Variants in ATXN2 observed in about 807,000 individuals in gnomAD.
ATXN2 encodes ataxin-2.
Under a neutral mutation model 138.6 loss-of-function variants are expected in ATXN2, and 37 were observed. The observed-to-expected ratio is 0.27, with a 90% confidence interval of 0.21 to 0.35. The LOEUF is 0.35. Ranked by LOEUF, ATXN2 falls within the 10% of genes least tolerant of loss-of-function variation. The probability of loss-of-function intolerance (pLI) is 1.00; values close to 1 mark genes in which losing one functional copy is unlikely to be tolerated. For synonymous variants in ATXN2, 549 were observed against 543.7 expected (o/e 1.01, Z -0.13); for missense variants, 1,216 against 1,480.3 (o/e 0.82, Z 2.93).
rs774051723 is a variant in ATXN2 at position 111,510,414 on chromosome 12, G to A, written c.1727C>T (p.Ser576Leu). ...AASPTPASPA[S>L]NRAVTPSSEA... ...ACTAGAAGGGGTAACAGCTCTGTTCGATGCAGGACTAGCAGGCGTAGGAGA... is the reference window on the plus strand; with the variant it reads ...ACTAGAAGGGGTAACAGCTCTGTTCAATGCAGGACTAGCAGGCGTAGGAGA... The change falls in exon 12 of 25, where the codon TCG becomes TTG. Residue 576 changes from serine to leucine, a missense_variant. By Grantham distance (145) the Ser-to-Leu change is moderately radical. Around this residue, in one of 4 missense-constraint regions of ATXN2, gnomAD observed 215 missense variants for 210.0 expected, o/e 1.02. Coordinates refer to ENST00000673436, the MANE Select transcript of ATXN2 (RefSeq NM_001372574.1). The A allele has an allele frequency of 4.3e-6, 7 of 1,613,952 alleles. No homozygotes were observed. The highest frequency in any genetic ancestry group is 4.5e-5 in the East Asian group (2 of 44,890).
At chr12:111,566,902 T>C (rs1242978412) in intron 1 of ATXN2, among the ~76,000 whole-genome samples, 1 of 152,174 alleles carries the variant, frequency 6.6e-6, no homozygotes, top group African/African-American at 2.4e-5. Flanking sequence ...CCTCCCAAAG[T>C]ACTGGGATTA....
chr12:111,594,953 A>AT (rs1263001194), intron 1 of ATXN2, among the ~76,000 whole-genome samples: 7 of 152,208 alleles, frequency 4.6e-5, no homozygotes, highest in Middle Eastern at 3.2e-3. Flanking sequence ...CTTCACATAT[A>AT]TTACCTTATT....
chr12:111,503,570 T>G (rs1014272597), intron 14 of ATXN2, among the ~76,000 whole-genome samples: 1 of 152,074 alleles, frequency 6.6e-6, no homozygotes, highest in Non-Finnish European at 1.5e-5. Flanking sequence ...TAATTAAAAT[T>G]TAAGTTCTGG....
intron 14 of ATXN2, among the ~76,000 whole-genome samples, chr12:111,503,615 TC>T (rs1423631639): frequency 2.0e-5 from 3 of 152,114 alleles, no homozygotes; most frequent in African/African-American, 7.2e-5. Flanking sequence ...TCTTTTTTTT[TC>T]TTTGAGACAG....
chr12:111,465,270 G>A (rs1044392040), intron 20 of ATXN2, among the ~76,000 whole-genome samples: 4 of 151,206 alleles, frequency 2.6e-5, no homozygotes, highest in African/African-American at 9.8e-5. Context: ...GCAGTTGTCA[G>A]GTGGAGGGAT....
intron 18 of ATXN2, among the ~76,000 whole-genome samples, chr12:111,481,414 C>T (rs1877229062): frequency 6.6e-6 from 1 of 152,174 alleles, no homozygotes; most frequent in Admixed American, 6.5e-5. Flanking sequence ...CACTGTGCTC[C>T]AGCCTGGGCA....
At chr12:111,557,224 G>A (rs889197866) in intron 1 of ATXN2, among the ~76,000 whole-genome samples, 1 of 152,124 alleles carries the variant, frequency 6.6e-6, no homozygotes, top group Non-Finnish European at 1.5e-5. Context: ...AAACATTCAA[G>A]GAAAAGCACA....
At position 111,569,975 on chromosome 12, in the gene ATXN2, G is replaced by A. The variant is rs77506758; in HGVS notation, c.252-14056C>T. On this transcript the variant is annotated intron_variant, in intron 1 of 24. Transcript: ENST00000673436. ...TGCTGTCCAATATTGCAGCCATTAG[G>A]CACATGTGGCAGCTAAGCACTTGAA... Among the ~76,000 whole-genome samples, 785 of 152,284 alleles carry A rather than the reference G, an allele frequency of 5.2e-3. 8 individuals are homozygous for A. Among genetic ancestry groups the A allele is most frequent in the African/African-American group, 0.018 (765 of 41,544 alleles).
At position 111,470,548 on chromosome 12, in the gene ATXN2, C is replaced by T. The variant is rs760396293; in HGVS notation, c.2709+10G>A. The T allele has an allele frequency of 6.2e-7, 1 of 1,612,858 alleles. No homozygotes were observed. The highest frequency in any genetic ancestry group is 2.2e-5 in the East Asian group (1 of 44,830). On this transcript the variant is annotated intron_variant, in intron 19 of 24. Transcript: ENST00000673436. ...TACAAAAATTAAGAGTTAGGCCTTACCAGCCTTACCTGAGACTGATAATGT... is the reference window on the plus strand; with the variant it reads ...TACAAAAATTAAGAGTTAGGCCTTATCAGCCTTACCTGAGACTGATAATGT...
intron 5 of ATXN2, among the ~76,000 whole-genome samples, chr12:111,543,662 T>A (rs958141001): frequency 6.6e-6 from 1 of 152,196 alleles, no homozygotes; most frequent in Non-Finnish European, 1.5e-5. Context: ...TTCAATGTCA[T>A]GCAGTACAAC....
intron 14 of ATXN2, among the ~76,000 whole-genome samples, chr12:111,499,692 A>C (rs1342113305): frequency 2.0e-5 from 3 of 152,080 alleles, no homozygotes; most frequent in East Asian, 1.9e-4. Flanking sequence ...AACAAAACAA[A>C]AAAAAAAGGA....
chr12:111,590,706 T>G (rs1211840395), intron 1 of ATXN2, among the ~76,000 whole-genome samples: 6 of 137,578 alleles, frequency 4.4e-5, no homozygotes, highest in African/African-American at 2.1e-4. Flanking sequence ...AAAACAGGCC[T>G]GTTAGGAACC....
At position 111,470,736 on chromosome 12, in the gene ATXN2, T is replaced by G; in HGVS notation, c.2531A>C (p.Asn844Thr). 1 of 1,614,054 alleles carries G rather than the reference T, an allele frequency of 6.2e-7. No individual in the cohort carries two copies. Residue 844 changes from asparagine (N) to threonine (T), a missense_variant, in exon 19 of 25, where the codon AAT (asparagine) becomes ACT (threonine). Transcript: ENST00000673436. ...CTGGTCTTGCCGCTGTTGGGGCATA[T>G]TTGGTACTGCAGAAAAAAAAGCAGA... Reference protein sequence around the residue: ...AKTYRAGKVPNMPQQRQDQHH... With the variant: ...AKTYRAGKVPTMPQQRQDQHH...
At chr12:111,454,195 A>C (rs549925956) in intron 23 of ATXN2, 6 of 181,320 alleles carry the variant, frequency 3.3e-5, no homozygotes, top group Non-Finnish European at 5.7e-5. Flanking sequence ...TCTCAACTTA[A>C]TATCATACAA....
intron 14 of ATXN2, among the ~76,000 whole-genome samples, chr12:111,496,151 T>TACAAACAA (rs747789456): frequency 5.3e-5 from 8 of 151,598 alleles, no homozygotes; most frequent in Non-Finnish European, 1.2e-4. Context: ...GAGACTCTGT[T>TACAAACAA]ACAAACAAAC....
At chr12:111,478,975 C>T (rs921528250) in intron 18 of ATXN2, 3 of 237,256 alleles carry the variant, frequency 1.3e-5, no homozygotes, top group African/African-American at 6.8e-5. Context: ...CGCCACTGAA[C>T]TCCAGCCTGG....
chr12:111,457,496 C>G (rs1037486243), intron 21 of ATXN2, 137 bp from the exon 22 acceptor site: 2 of 936,038 alleles, frequency 2.1e-6, no homozygotes, highest in African/African-American at 3.3e-5. Flanking sequence ...TAGATGACTC[C>G]ATTTAAACCA....
Position 111,520,965 on chromosome 12 carries a change from T to G in ATXN2, c.705A>C (p.Gly235=). ...LEALENDVSN[G]WDPNDMFRYN... ...ATCGAAACATATCATTGGGATCCCA[T>G]CCATTAGACTAGAAGAAAATGAAGC... Residue 235 remains glycine, a synonymous_variant, in exon 7 of 25, where the codon GGA becomes GGC. Coordinates refer to ENST00000673436, the MANE Select transcript of ATXN2 (RefSeq NM_001372574.1). 6.4e-7 allele frequency: 1 copy of G among 1,569,748 alleles called. No individual in the cohort carries two copies. Among genetic ancestry groups the G allele is most frequent in the Non-Finnish European group, 8.7e-7 (1 of 1,146,750 alleles).
At chr12:111,530,347 C>G (rs1213890093) in intron 5 of ATXN2, among the ~76,000 whole-genome samples, 1 of 152,164 alleles carries the variant, frequency 6.6e-6, no homozygotes, top group Non-Finnish European at 1.5e-5. Context: ...GAATCGAATA[C>G]AATGAGTGCT....
Sources: gnomAD v4.1 joint callset for allele counts (sites outside exome capture counted in the v4.1 genomes callset) on GRCh38, gnomAD v4.1.1 for gene constraint, gnomAD v4.1.1 regional missense constraint, MANE v1.5 for transcripts, NCBI Gene and HGNC (gene_info 2026-07-23, HGNC 2026-07-21) for gene names.